CNTNAP2: variants seen among roughly 807,000 people sequenced by gnomAD.
The protein encoded by CNTNAP2 is contactin-associated protein-like 2.
CNTNAP2 carries 98 observed loss-of-function variants against 155.2 expected under a neutral mutation model. The ratio of observed to expected loss-of-function variants is 0.63; its 90% CI spans 0.54 to 0.75. CNTNAP2 has a LOEUF of 0.75. CNTNAP2 is among the 30% of genes least tolerant of loss of function. The probability of loss-of-function intolerance (pLI) is 0.00; values close to 1 mark genes in which losing one functional copy is unlikely to be tolerated. For synonymous variants in CNTNAP2, 651 were observed against 631.2 expected (o/e 1.03, Z -0.47); for missense variants, 1,727 against 1,688.1 (o/e 1.02, Z -0.40).
intron 13 of CNTNAP2, among the ~76,000 whole-genome samples, chr7:147,735,069 G>C (rs1796817539): frequency 6.6e-6 from 1 of 150,914 alleles, no homozygotes; most frequent in Non-Finnish European, 1.5e-5. Context: ...GCTAGCTTTT[G>C]AATGTGTTTG....
At chr7:146,494,100 C>T (rs996457185) in intron 1 of CNTNAP2, among the ~76,000 whole-genome samples, 5 of 152,102 alleles carry the variant, frequency 3.3e-5, no homozygotes, top group Admixed American at 2.0e-4. Flanking sequence ...TTTGGGAGGC[C>T]GAGGCGGGCG....
intron 1 of CNTNAP2, among the ~76,000 whole-genome samples, chr7:146,418,220 A>G (rs1795963924): frequency 6.6e-6 from 1 of 152,186 alleles, no homozygotes; most frequent in Non-Finnish European, 1.5e-5. Flanking sequence ...GTGTGCGTGA[A>G]TGGTCTCAGC....
intron 10 of CNTNAP2, among the ~76,000 whole-genome samples, chr7:147,482,732 A>G (rs1382737248): frequency 1.8e-5 from 2 of 108,854 alleles, no homozygotes; most frequent in Non-Finnish European, 3.8e-5. Context: ...ATAAATAAAT[A>G]AATAAATAAA....
intron 22 of CNTNAP2, among the ~76,000 whole-genome samples, chr7:148,402,901 T>C (rs1799620145): frequency 6.6e-6 from 1 of 151,692 alleles, no homozygotes; most frequent in Admixed American, 6.6e-5. Context: ...GGGGGTTTTA[T>C]GTTAGATATT....
intron 1 of CNTNAP2, among the ~76,000 whole-genome samples, chr7:146,715,319 C>T (rs557497921): frequency 2.4e-4 from 36 of 152,068 alleles, no homozygotes; most frequent in Admixed American, 3.9e-4. Flanking sequence ...GCAACAAGAG[C>T]GAAACTCCAT....
chr7:146,859,350 G>T (rs1486295183), intron 3 of CNTNAP2, among the ~76,000 whole-genome samples: 1 of 152,122 alleles, frequency 6.6e-6, no homozygotes, highest in Non-Finnish European at 1.5e-5. Flanking sequence ...TAAAATTCCA[G>T]CTATTAAAGT....
At chr7:147,108,713 A>G (rs1403148574) in intron 5 of CNTNAP2, among the ~76,000 whole-genome samples, 3 of 152,190 alleles carry the variant, frequency 2.0e-5, no homozygotes, top group African/African-American at 4.8e-5. Flanking sequence ...ATATATTATG[A>G]ACCAGTTGAA....
intron 3 of CNTNAP2, among the ~76,000 whole-genome samples, chr7:146,907,712 A>C (rs879571936): frequency 2.0e-5 from 3 of 150,910 alleles, no homozygotes; most frequent in Non-Finnish European, 4.4e-5. Context: ...AAATGTAAAG[A>C]CCATCGAGAC....
At chr7:148,358,910 G>T (rs1288638380) in intron 21 of CNTNAP2, among the ~76,000 whole-genome samples, 1 of 152,042 alleles carries the variant, frequency 6.6e-6, no homozygotes, top group Non-Finnish European at 1.5e-5. Context: ...TTTTTTTCCT[G>T]TGTGATTGGT....
intron 13 of CNTNAP2, among the ~76,000 whole-genome samples, chr7:147,666,814 C>T (rs78015672): frequency 0.04 from 6,147 of 152,240 alleles, 138 homozygotes; most frequent in Middle Eastern, 0.13. Context: ...GATGGAAAAT[C>T]AGTAATGGTT....
intron 1 of CNTNAP2, among the ~76,000 whole-genome samples, chr7:146,521,018 C>G (rs1797610008): frequency 6.6e-6 from 1 of 151,888 alleles, no homozygotes; most frequent in African/African-American, 2.4e-5. Context: ...GACCCTTCAT[C>G]TCTTCTTAGT....
chr7:146,780,662 G>T (rs1378834687), intron 2 of CNTNAP2, among the ~76,000 whole-genome samples: 2 of 151,966 alleles, frequency 1.3e-5, no homozygotes, highest in African/African-American at 4.8e-5. Context: ...GAAAATGTGG[G>T]ACATATACAC....
intron 1 of CNTNAP2, among the ~76,000 whole-genome samples, chr7:146,477,250 T>C (rs1045594867): frequency 6.6e-6 from 1 of 152,198 alleles, no homozygotes; most frequent in African/African-American, 2.4e-5. Context: ...CAGTTGGCAC[T>C]GTAATATTCA....
At chr7:146,415,189 C>T (rs1254019450) in intron 1 of CNTNAP2, among the ~76,000 whole-genome samples, 1 of 152,052 alleles carries the variant, frequency 6.6e-6, no homozygotes, top group Non-Finnish European at 1.5e-5. Context: ...ATGGTGAGCA[C>T]TCTGCATCAG....
chr7:147,183,926 A>C (rs1424851691), intron 8 of CNTNAP2, among the ~76,000 whole-genome samples: 2 of 152,212 alleles, frequency 1.3e-5, no homozygotes, highest in Non-Finnish European at 2.9e-5. Context: ...AACACAAAGT[A>C]AATAATCTGG....
intron 1 of CNTNAP2, among the ~76,000 whole-genome samples, chr7:146,631,689 C>T (rs1179669757): frequency 6.6e-6 from 1 of 152,178 alleles, no homozygotes; most frequent in Non-Finnish European, 1.5e-5. Flanking sequence ...GATAAAATGG[C>T]ACGCTATTGG....
intron 13 of CNTNAP2, among the ~76,000 whole-genome samples, chr7:147,833,572 A>G (rs1026761833): frequency 6.6e-5 from 10 of 152,186 alleles, no homozygotes; most frequent in African/African-American, 2.4e-4. Context: ...GAGGGATTAG[A>G]CATTGCCTCC....
intron 6 of CNTNAP2, 121 bp downstream of exon 6, chr7:147,121,284 AGACAC>A: frequency 2.1e-6 from 2 of 940,810 alleles, no homozygotes; most frequent in Non-Finnish European, 3.2e-6. Context: ...TCTCTAAACA[AGACAC>A]TGACAATTTT....
chr7:148,123,606 G>C (rs554524524), intron 16 of CNTNAP2, among the ~76,000 whole-genome samples: 2 of 149,926 alleles, frequency 1.3e-5, no homozygotes, highest in East Asian at 2.0e-4. Flanking sequence ...GGAAGGGAGA[G>C]AAGGAAGGGA....
Sources: allele counts gnomAD v4.1 joint callset (sites outside exome capture counted in the v4.1 genomes callset), GRCh38; gene constraint gnomAD v4.1.1; transcripts MANE v1.5; gene names NCBI Gene and HGNC (gene_info 2026-07-23, HGNC 2026-07-21).